Variants in NCOR1 observed in about 807,000 individuals in gnomAD.
NCOR1 encodes protein phosphatase 1, regulatory subunit 109.
Under a neutral mutation model 288.1 loss-of-function variants are expected in NCOR1, and 63 were observed. The ratio of observed to expected loss-of-function variants is 0.22; its 90% CI spans 0.18 to 0.27. NCOR1 has a LOEUF of 0.27. Ranked by LOEUF, NCOR1 falls within the 10% of genes least tolerant of loss-of-function variation. The pLI, the probability that NCOR1 is intolerant of heterozygous loss-of-function variation, is 1.00. For missense variants in NCOR1, 2,397 were observed against 3,019.2 expected, an observed-to-expected ratio of 0.79 and a Z score of 4.83; for synonymous variants, 1,007 against 1,065.9, an observed-to-expected ratio of 0.94 and a Z score of 1.08.
At chr17:16,213,240 C>A (rs1362506157) in intron 1 of NCOR1, among the ~76,000 whole-genome samples, 2 of 151,940 alleles carry the variant, frequency 1.3e-5, no homozygotes, top group African/African-American at 4.8e-5. Context: ...CGCCTGTAAT[C>A]CCAGCACTTT....
chr17:16,099,815 C>T (rs1039965619), intron 20 of NCOR1, among the ~76,000 whole-genome samples: 1 of 152,066 alleles, frequency 6.6e-6, no homozygotes, highest in African/African-American at 2.4e-5. Flanking sequence ...TTCTGGTAAA[C>T]CAACACTTAA....
At chr17:16,182,747 C>T (rs1378494250) in intron 3 of NCOR1, among the ~76,000 whole-genome samples, 5 of 151,990 alleles carry the variant, frequency 3.3e-5, no homozygotes, top group Admixed American at 6.5e-5. Flanking sequence ...CCACAGTGCC[C>T]GGCCCAAAAT....
Position 16,171,095 on chromosome 17 carries a change from CA to C in NCOR1, c.435+707del, listed in dbSNP as rs1176903306. Among the ~76,000 whole-genome samples, 13 of 149,988 alleles carry C rather than the reference CA, an allele frequency of 8.7e-5. No homozygotes were observed. The East Asian group carries it at 1.9e-3, about 22-fold the overall frequency. On this transcript the variant is annotated intron_variant, in intron 4 of 45. Transcript: ENST00000268712. ...AGTGGATTTTAAATGTTCTTACCAC[CA>C]AAAAAAAACTATGTGAGGTGATGAA...
intron 20 of NCOR1, among the ~76,000 whole-genome samples, chr17:16,101,004 C>T (rs776681682): frequency 5.9e-5 from 9 of 152,186 alleles, no homozygotes; most frequent in Non-Finnish European, 1.3e-4. Flanking sequence ...CCCTGTTATG[C>T]TATCATACAG....
intron 1 of NCOR1, among the ~76,000 whole-genome samples, chr17:16,208,964 G>A (rs916315962): frequency 4.6e-5 from 7 of 152,062 alleles, no homozygotes; most frequent in African/African-American, 1.7e-4. Context: ...TGCCATATGT[G>A]TATCAGAGAT....
intron 18 of NCOR1, among the ~76,000 whole-genome samples, chr17:16,114,038 G>A (rs747962417): frequency 1.7e-4 from 25 of 149,010 alleles, no homozygotes; most frequent in Non-Finnish European, 3.3e-4. Context: ...AGACTGGGAA[G>A]TAAAAGAGGT....
At chr17:16,208,474 C>A (rs1360694938) in intron 1 of NCOR1, among the ~76,000 whole-genome samples, 6 of 152,066 alleles carry the variant, frequency 3.9e-5, no homozygotes. Context: ...ACCATGAGTG[C>A]TGTCTAGGAT....
intron 3 of NCOR1, among the ~76,000 whole-genome samples, chr17:16,181,961 T>C (rs546392037): frequency 6.6e-6 from 1 of 152,218 alleles, no homozygotes; most frequent in African/African-American, 2.4e-5. Context: ...CCAAACCAAG[T>C]GGTTTCTAAT....
chr17:16,061,478 A>G lies in NCOR1; in HGVS notation c.5804T>C (p.Val1935Ala). The G allele has an allele frequency of 6.2e-7, 1 of 1,614,220 alleles. No homozygotes were observed. Among genetic ancestry groups the G allele is most frequent in the Non-Finnish European group, 8.5e-7 (1 of 1,180,044 alleles). ...CGAGGCAATTTGCCGGGTGATGATCACGTCTATGAAGTTAGCTGCAGTAAT... is the reference window on the plus strand; with the variant it reads ...CGAGGCAATTTGCCGGGTGATGATCGCGTCTATGAAGTTAGCTGCAGTAAT... ...TTITAANFID[V>A]IITRQIASDK... The change falls in exon 37 of 46, where the codon GTG (valine) becomes GCG (alanine). Residue 1935 changes from valine (V) to alanine (A), a missense_variant. Around this residue, in one of 11 missense-constraint regions of NCOR1, gnomAD observed 1,872 missense variants for 2,187.8 expected, o/e 0.86. Transcript: ENST00000268712.
chr17:16,215,486 C>T lies in NCOR1; in HGVS notation c.-195G>A, dbSNP rs2092472916. 1 of 398,474 alleles carries T rather than the reference C, an allele frequency of 2.5e-6. No individual in the cohort carries two copies. The highest frequency in any genetic ancestry group is 2.1e-5 in the African/African-American group (1 of 48,578). The allele number at this position is 398,474 out of a possible 1,614,324, so 24.7% of individuals were successfully genotyped here. A position where few individuals can be genotyped will look rare whatever the true frequency, so the allele number is the denominator to read the frequency against. On this transcript the variant is annotated 5_prime_UTR_variant, in exon 1 of 46. Coordinates refer to ENST00000268712, the MANE Select transcript of NCOR1 (RefSeq NM_006311.4). ...CGAGTCGGACGCTCACTCCAGCCGC[C>T]GCCGCCGCCGCGGCTGCTGCTTCGC...
chr17:16,041,799 C>T (rs372736284), intron 42 of NCOR1, among the ~76,000 whole-genome samples: 12 of 150,262 alleles, frequency 8.0e-5, no homozygotes, highest in East Asian at 4.0e-4. Context: ...TGCAGCGGTG[C>T]GATCTTGGCT....
intron 18 of NCOR1, 115 bp downstream of exon 18, chr17:16,117,773 G>T: frequency 1.8e-6 from 2 of 1,134,850 alleles, no homozygotes; most frequent in Non-Finnish European, 2.4e-6. Context: ...AGTGAGCCAA[G>T]ATTGCACTGC....
At chr17:16,095,395 G>GCA (rs1252973143) in intron 21 of NCOR1, among the ~76,000 whole-genome samples, 1 of 139,968 alleles carries the variant, frequency 7.1e-6, no homozygotes, top group East Asian at 2.2e-4. Context: ...GAGGGAGGTG[G>GCA]GGGGTCAGCC....
chr17:16,040,418 A>G (rs1157567721), intron 43 of NCOR1, 23 bp downstream of exon 43: 2 of 1,610,132 alleles, frequency 1.2e-6, no homozygotes, highest in Non-Finnish European at 1.7e-6. Context: ...TTGTATTGGT[A>G]AATAATGTCT....
At chr17:16,035,530 C>CTTTTTT (rs966987249) in intron 44 of NCOR1, among the ~76,000 whole-genome samples, 5 of 118,304 alleles carry the variant, frequency 4.2e-5, no homozygotes, top group Admixed American at 1.7e-4. Flanking sequence ...TTCTCTTGTT[C>CTTTTTT]TTTTTTTTTT....
chr17:16,145,438 C>G lies in NCOR1; in HGVS notation c.1082+938G>C, dbSNP rs1272484297. On this transcript the variant is annotated intron_variant, in intron 10 of 45. Coordinates refer to ENST00000268712, the MANE Select transcript of NCOR1 (RefSeq NM_006311.4). ...GGAGCGTCTCTGCCCGGCCGCCCAT[C>G]GTCTGGGATGTGGGGAGTGCCTCGG... is the stretch of plus-strand genomic sequence containing the variant. Among the ~76,000 whole-genome samples, 3 of 140,426 alleles carry G rather than the reference C, an allele frequency of 2.1e-5. 1 individual carries two copies. Among genetic ancestry groups the G allele is most frequent in the African/African-American group, 7.4e-5 (3 of 40,474 alleles). The allele number at this position is 140,426 out of a possible 152,430, so 92.1% of individuals were successfully genotyped here.
chr17:16,151,819 C>T, intron 8 of NCOR1, 127 bp downstream of exon 8: 3 of 956,544 alleles, frequency 3.1e-6, no homozygotes, highest in Non-Finnish European at 4.9e-6. Context: ...AATAAAACGA[C>T]AGCAAATTAC....
chr17:16,129,553 G>A (rs959411871), intron 14 of NCOR1, among the ~76,000 whole-genome samples: 7 of 152,142 alleles, frequency 4.6e-5, no homozygotes, highest in Admixed American at 3.3e-4. Context: ...CCATGAGTAG[G>A]TCTGCTTTAT....
In NCOR1 at chr17:16,058,539, G is replaced by A. The variant is rs2152560824; in HGVS notation, c.5942C>T (p.Ser1981Leu). Residue 1981 changes from serine to leucine, a missense_variant, in exon 38 of 46, where the codon TCA becomes TTA. By Grantham distance (145) the Ser-to-Leu change is moderately radical (BLOSUM62 -2). This residue lies in a region of NCOR1 where 1,872 missense variants were observed against 2,187.8 expected (regional missense o/e 0.86). Transcript: ENST00000268712. ...CAGTTTCTCCTGGGGTGGCGCAGGT[G>A]AGCTGGCAGGACTTATCACCTCAAT... ...DAIEVISPAS[S>L]PAPPQEKLQT... is the part of the protein sequence containing the mutation. 1 of 1,614,060 alleles carries A rather than the reference G, an allele frequency of 6.2e-7. No individual in the cohort carries two copies. The highest frequency in any genetic ancestry group is 8.5e-7 in the Non-Finnish European group (1 of 1,179,934).
Sources: gnomAD v4.1 joint callset for allele counts (sites outside exome capture counted in the v4.1 genomes callset) on GRCh38, gnomAD v4.1.1 for gene constraint, gnomAD v4.1.1 regional missense constraint, MANE v1.5 for transcripts, NCBI Gene and HGNC (gene_info 2026-07-23, HGNC 2026-07-21) for gene names.